The following MGAT4C variants were observed in gnomAD, a reference collection of about 807,000 sequenced individuals.
MGAT4C encodes alpha-1,3-mannosyl-glycoprotein 4-beta-N-acetylglucosaminyltransferase C.
Under a neutral mutation model 40.1 loss-of-function variants are expected in MGAT4C, and 19 were observed. The observed-to-expected ratio is 0.47, with a 90% CI of 0.33 to 0.70. MGAT4C has a LOEUF of 0.70. MGAT4C is among the 30% of genes least tolerant of loss of function. The pLI, the probability that MGAT4C is intolerant of heterozygous loss-of-function variation, is 0.02. For synonymous variants in MGAT4C, 181 were observed against 187.1 expected (o/e 0.97, Z 0.27); for missense variants, 491 against 563.2 (o/e 0.87, Z 1.30).
intron 2 of MGAT4C, among the ~76,000 whole-genome samples, chr12:86,688,965 G>T (rs1490106763): frequency 6.6e-6 from 1 of 152,098 alleles, no homozygotes; most frequent in Non-Finnish European, 1.5e-5. Context: ...CATTCTCCTT[G>T]TCACTTTCAG....
chr12:86,332,534 T>A (rs546980168), intron 4 of MGAT4C, among the ~76,000 whole-genome samples: 14 of 152,080 alleles, frequency 9.2e-5, no homozygotes, highest in Non-Finnish European at 2.1e-4. Flanking sequence ...CCAATATCTA[T>A]CTCATTTTAC....
At chr12:86,015,271 C>G (rs965804358) in intron 2 of MGAT4C, among the ~76,000 whole-genome samples, 1 of 147,366 alleles carries the variant, frequency 6.8e-6, no homozygotes. Flanking sequence ...GTGTTTTCCG[C>G]TAGGAAATGA....
chr12:86,837,380 T>C (rs1953058742), intron 1 of MGAT4C, among the ~76,000 whole-genome samples: 1 of 152,134 alleles, frequency 6.6e-6, no homozygotes, highest in African/African-American at 2.4e-5. Context: ...ACGATTTGGG[T>C]GACTCAATCC....
chr12:86,507,821 T>C (rs1021692334), intron 2 of MGAT4C, among the ~76,000 whole-genome samples: 6 of 152,150 alleles, frequency 3.9e-5, no homozygotes, highest in South Asian at 2.1e-4. Flanking sequence ...TTTTAAAATA[T>C]ATTTGGAAAT....
At chr12:86,235,326 A>G (rs747845592) in intron 1 of MGAT4C, among the ~76,000 whole-genome samples, 8 of 152,076 alleles carry the variant, frequency 5.3e-5, no homozygotes, top group Non-Finnish European at 8.8e-5. Context: ...TTTTAAGATT[A>G]TCTAGCTTCA....
chr12:86,247,194 T>C (rs2136063644), intron 1 of MGAT4C, among the ~76,000 whole-genome samples: 1 of 152,326 alleles, frequency 6.6e-6, no homozygotes, highest in South Asian at 2.1e-4. Flanking sequence ...GTTACACACA[T>C]ATTAGTGGGA....
chr12:86,358,547 G>T (rs1480576147), intron 3 of MGAT4C, among the ~76,000 whole-genome samples: 1 of 152,166 alleles, frequency 6.6e-6, no homozygotes, highest in Admixed American at 6.5e-5. Flanking sequence ...TGGATAAAGA[G>T]TCAAGATCCA....
rs548807976 is a variant in MGAT4C at position 85,989,538 on chromosome 12, T to G, written c.9A>C (p.Lys3Asn). 27 of 1,603,088 alleles carry G rather than the reference T, an allele frequency of 1.7e-5. No individual in the cohort carries two copies. The East Asian group carries it at 5.0e-4, about 29-fold the overall frequency. ...CAAAAATATGTTTCATTTGATGAAA[T>G]TTAAACATTCTCTTCTGTGGAAAAG... MFKFHQMKHIFEI... is the reference protein window; with the variant it reads MFNFHQMKHIFEI... Residue 3 changes from lysine to asparagine, a missense_variant, in exon 3 of 5, where the codon AAA (lysine) becomes AAC (asparagine). Lys to Asn is a moderately conservative substitution (Grantham distance 94). Coordinates refer to ENST00000611864, the MANE Select transcript of MGAT4C (RefSeq NM_001351288.2).
intron 1 of MGAT4C, among the ~76,000 whole-genome samples, chr12:86,189,011 T>TA (rs1195856784): frequency 2.0e-5 from 3 of 151,920 alleles, no homozygotes; most frequent in African/African-American, 7.2e-5. Flanking sequence ...TATGTGGAGA[T>TA]AGAGGAGTGT....
chr12:86,755,101 T>TTTTAGTTAGTA (rs1951280282), intron 1 of MGAT4C, among the ~76,000 whole-genome samples: 1 of 152,156 alleles, frequency 6.6e-6, no homozygotes, highest in Admixed American at 6.5e-5. Flanking sequence ...TACAATCAGT[T>TTTTAGTTAGTA]GACTTTAACA....
In MGAT4C at chr12:85,972,959, G is replaced by A. The variant is rs1224649520; in HGVS notation, c.*6330C>T. On this transcript the variant is annotated 3_prime_UTR_variant, in exon 5 of 5. Transcript: ENST00000611864. The stretch of plus-strand genomic sequence containing the variant: ...GGTATTTTATGGAGAAAAGAGGCAT[G>A]TACTACCTTAAACATTTTCCAATTG... The A allele has an allele frequency of 6.6e-6, 1 of 150,912 alleles. No individual in the cohort carries two copies. Among genetic ancestry groups the A allele is most frequent in the East Asian group, 1.9e-4 (1 of 5,178 alleles). 9.3% of individuals were successfully genotyped at this position (150,912 alleles called of 1,614,324 possible). A position where few individuals can be genotyped will look rare whatever the true frequency, so the allele number is the denominator to read the frequency against.
intron 1 of MGAT4C, among the ~76,000 whole-genome samples, chr12:86,820,996 C>G (rs1260940584): frequency 2.0e-5 from 3 of 150,882 alleles, no homozygotes; most frequent in Non-Finnish European, 4.5e-5. Context: ...ATATAAGAAA[C>G]AGAAAGCAAT....
chr12:86,509,337 T>C (rs1958530872), intron 2 of MGAT4C, among the ~76,000 whole-genome samples: 1 of 152,190 alleles, frequency 6.6e-6, no homozygotes, highest in African/African-American at 2.4e-5. Context: ...CCATTGCTTG[T>C]TTTTCTCAGG....
chr12:86,451,810 T>G (rs1957428714), intron 2 of MGAT4C, among the ~76,000 whole-genome samples: 2 of 152,256 alleles, frequency 1.3e-5, no homozygotes, highest in South Asian at 4.1e-4. Context: ...GAATTATTTA[T>G]TATGGTTATC....
intron 2 of MGAT4C, among the ~76,000 whole-genome samples, chr12:86,519,593 C>T (rs1958756746): frequency 1.3e-5 from 2 of 152,072 alleles, no homozygotes; most frequent in Admixed American, 6.6e-5. Context: ...AAATACAAGC[C>T]ATTTTAACTG....
intron 2 of MGAT4C, among the ~76,000 whole-genome samples, chr12:86,474,804 T>C (rs1326632969): frequency 1.3e-5 from 2 of 152,126 alleles, no homozygotes; most frequent in African/African-American, 4.8e-5. Flanking sequence ...CCCTATCTCT[T>C]TTTATTTTTG....
intron 4 of MGAT4C, among the ~76,000 whole-genome samples, chr12:86,327,066 T>G (rs150376356): frequency 2.6e-5 from 4 of 152,270 alleles, no homozygotes; most frequent in African/African-American, 9.6e-5. Flanking sequence ...ATGTATGTAC[T>G]CAAGATAATA....
At chr12:86,568,957 A>T (rs1960246274) in intron 2 of MGAT4C, among the ~76,000 whole-genome samples, 1 of 152,056 alleles carries the variant, frequency 6.6e-6, no homozygotes, top group South Asian at 2.1e-4. Flanking sequence ...GCTGAAAAAA[A>T]TTAAACTAAA....
At chr12:86,299,397 G>A (rs186513901) in intron 4 of MGAT4C, among the ~76,000 whole-genome samples, 19 of 152,162 alleles carry the variant, frequency 1.2e-4, no homozygotes, top group African/African-American at 4.3e-4. Context: ...GATTACAGGC[G>A]TGAGCCACTG....
Sources: gnomAD v4.1 joint callset for allele counts (sites outside exome capture counted in the v4.1 genomes callset) on GRCh38, gnomAD v4.1.1 for gene constraint, MANE v1.5 for transcripts, NCBI Gene and HGNC (gene_info 2026-07-23, HGNC 2026-07-21) for gene names.